Variants in KLHL35 observed in about 807,000 individuals in gnomAD.
KLHL35 encodes the protein kelch-like protein 35.
Under a neutral mutation model 44.0 loss-of-function variants are expected in KLHL35, and 50 were observed. The ratio of observed to expected loss-of-function variants is 1.14; its 90% CI spans 0.91 to 1.44. The LOEUF is 1.44. KLHL35 is among the 40% of genes most tolerant of loss of function. The probability of loss-of-function intolerance (pLI) is 0.00; values close to 1 mark genes in which losing one functional copy is unlikely to be tolerated. For synonymous variants in KLHL35, 470 were observed against 410.4 expected (o/e 1.15, Z -1.76); for missense variants, 1,049 against 887.8 (o/e 1.18, Z -2.31).
Position 75,430,136 on chromosome 11 carries a change from A to C in KLHL35, c.494T>G (p.Phe165Cys), listed in dbSNP as rs1394243269. ...GCGCTCGGCCAGCGGGGCCAGCGAGAAGGCGGCGGCCACGCGGCGCAGCGC... is the reference window on the plus strand; with the variant it reads ...GCGCTCGGCCAGCGGGGCCAGCGAGCAGGCGGCGGCCACGCGGCGCAGCGC... ...SLALRRVAAA[F>C]SLAPLAERCG... The change falls in exon 2 of 7, where the codon TTC becomes TGC. Residue 165 changes from phenylalanine to cysteine, a missense_variant. Coordinates refer to ENST00000539798, the MANE Select transcript of KLHL35 (RefSeq NM_001039548.3). 18 of 1,258,602 alleles carry C rather than the reference A, an allele frequency of 1.4e-5. No individual in the cohort carries two copies. The highest frequency in any genetic ancestry group is 1.4e-4 in the African/African-American group (9 of 63,340). 78.0% of individuals were successfully genotyped at this position (1,258,602 alleles called of 1,614,324 possible). A position where few individuals can be genotyped will look rare whatever the true frequency, so the allele number is the denominator to read the frequency against.
chr11:75,432,819 G>C (rs1332447585), intron 1 of KLHL35, among the ~76,000 whole-genome samples: 1 of 152,082 alleles, frequency 6.6e-6, no homozygotes, highest in African/African-American at 2.4e-5. Flanking sequence ...CTCCCTTCTC[G>C]GCTGAGTCTA....
intron 2 of KLHL35, among the ~76,000 whole-genome samples, chr11:75,429,049 A>C (rs1313382604): frequency 6.6e-6 from 1 of 152,116 alleles, no homozygotes; most frequent in Non-Finnish European, 1.5e-5. Flanking sequence ...TCTGTCGCTA[A>C]CTCATCTTCA....
At chr11:75,429,392 C>T (rs1201795107) in intron 2 of KLHL35, among the ~76,000 whole-genome samples, 1 of 152,210 alleles carries the variant, frequency 6.6e-6, no homozygotes, top group African/African-American at 2.4e-5. Context: ...TCACTACTTC[C>T]CCATGCCCCT....
rs1948494757 is a variant in KLHL35, at chr11:75,426,658, T to A, written c.1067-20A>T. ...GGCCTCCTAGGGAGAGAGAAGCAGC[T>A]GTTGCCCATCGGCTCTCTTGCTATC... is the stretch of plus-strand genomic sequence containing the variant. On this transcript the variant is annotated intron_variant, in intron 3 of 6. Coordinates refer to ENST00000539798, the MANE Select transcript of KLHL35 (RefSeq NM_001039548.3). 3 of 1,526,504 alleles carry A rather than the reference T, an allele frequency of 2.0e-6. No homozygotes were observed. Among genetic ancestry groups the A allele is most frequent in the Non-Finnish European group, 2.7e-6 (3 of 1,124,614 alleles). 94.6% of individuals were successfully genotyped at this position (1,526,504 alleles called of 1,614,324 possible).
Position 75,425,462 on chromosome 11 carries a change from C to G in KLHL35, c.1305G>C (p.Ala435=). 1 of 1,571,330 alleles carries G rather than the reference C, an allele frequency of 6.4e-7. No homozygotes were observed. Among genetic ancestry groups the G allele is most frequent in the Non-Finnish European group, 8.6e-7 (1 of 1,164,564 alleles). ...AGAGCTTGCCCGCGCAGGACGCCAC[C>G]GCCGCCGAGCTCACGGCCTCCGGGA... The part of the protein sequence containing the change: ...APLPEAVSSA[A]VASCAGKLFV... The change falls in exon 5 of 7, where the codon GCG becomes GCC. Residue 435 remains alanine (A), a synonymous_variant. Transcript: ENST00000539798.
At position 75,429,882 on chromosome 11, in the gene KLHL35, C is replaced by A; in HGVS notation, c.748G>T (p.Ala250Ser). 6.6e-7 allele frequency: 1 copy of A among 1,519,982 alleles called. No homozygotes were observed. The allele number at this position is 1,519,982 out of a possible 1,614,324, so 94.2% of individuals were successfully genotyped here. A position where few individuals can be genotyped will look rare whatever the true frequency, so the allele number is the denominator to read the frequency against. ...GCCTCCACCTTCTCCAGGAAGTAAG[C>A]GGGCGCCAGTAGCGGCAGGCGCACG... ...EHVRLPLLAP[A>S]YFLEKVEADE... The change falls in exon 2 of 7, where the codon GCT becomes TCT. Residue 250 changes from alanine (A) to serine (S), a missense_variant. Transcript: ENST00000539798.
rs1948483782 is a variant in KLHL35 at position 75,425,564 on chromosome 11, G to A, written c.1203C>T (p.Gly401=). 1 of 1,483,940 alleles carries A rather than the reference G, an allele frequency of 6.7e-7. No homozygotes were observed. Among genetic ancestry groups the A allele is most frequent in the Non-Finnish European group, 8.9e-7 (1 of 1,124,064 alleles). 91.9% of individuals were successfully genotyped at this position (1,483,940 alleles called of 1,614,324 possible). A position where few individuals can be genotyped will look rare whatever the true frequency, so the allele number is the denominator to read the frequency against. ...VVQGQLFAVG[G]FDGLRRLHSV... is the part of the protein sequence containing the mutation. ...TGTGCAGGCGCCTCAGGCCGTCGAA[G>A]CCACCCACCGCGAACAGCTGCAAGT... The change falls in exon 5 of 7, where the codon GGC becomes GGT. Residue 401 remains glycine (G), a synonymous_variant. Coordinates refer to ENST00000539798, the MANE Select transcript of KLHL35 (RefSeq NM_001039548.3).
intron 4 of KLHL35, 156 bp downstream of exon 4, chr11:75,426,364 T>C: frequency 1.8e-6 from 1 of 556,428 alleles, no homozygotes; most frequent in Non-Finnish European, 3.2e-6. Context: ...CTATTATTAT[T>C]AGCATCAGCC....
At position 75,422,624 on chromosome 11, in the gene KLHL35, T is replaced by G. The variant is rs1948457882; in HGVS notation, c.1708A>C (p.Ser570Arg). 1 of 1,613,854 alleles carries G rather than the reference T, an allele frequency of 6.2e-7. No individual in the cohort carries two copies. The highest frequency in any genetic ancestry group is 2.2e-5 in the East Asian group (1 of 44,886). The change falls in exon 7 of 7, where the codon AGC becomes CGC. Residue 570 changes from serine (S) to arginine (R), a missense_variant. Ser to Arg is a moderately radical substitution (Grantham distance 110, BLOSUM62 -1). Transcript: ENST00000539798. ...ATGATGGTGACACAGCCGTGGGAGC[T>G]GGTGCAGCGCTGCAGGGATGGCTGG... ...EVQPSLQRCT[S>R]SHGCVTIIQS...
chr11:75,424,202 A>C, intron 5 of KLHL35: 2 of 284,558 alleles, frequency 7.0e-6, no homozygotes, highest in Non-Finnish European at 1.3e-5. Flanking sequence ...ACCCCTCAAC[A>C]CACACACACA....
chr11:75,430,510 G>A lies in KLHL35; in HGVS notation c.120C>T (p.Leu40=). 1 of 1,443,434 alleles carries A rather than the reference G, an allele frequency of 6.9e-7. No individual in the cohort carries two copies. The highest frequency in any genetic ancestry group is 9.1e-7 in the Non-Finnish European group (1 of 1,102,418). 89.4% of individuals were successfully genotyped at this position (1,443,434 alleles called of 1,614,324 possible). The change falls in exon 2 of 7, where the codon CTC becomes CTT. Residue 40 remains leucine, a synonymous_variant. Transcript: ENST00000539798. The part of the protein sequence containing the change: ...ALNAYRRSGT[L]TDVVLRAGGR... The stretch of plus-strand genomic sequence containing the variant: ...CGCCGGCGCGCAGCACCACGTCGGT[G>A]AGGGTGCCGCTCCGCCGGTAGGCGT...
At chr11:75,426,326 C>A in intron 4 of KLHL35, 194 bp downstream of exon 4, 1 of 488,278 alleles carries the variant, frequency 2.0e-6, no homozygotes, top group Non-Finnish European at 3.7e-6. Flanking sequence ...TACCCTTGAC[C>A]ATCAGGCTGT....
At position 75,422,753 on chromosome 11, in the gene KLHL35, T is replaced by C. The variant is rs1948460826; in HGVS notation, c.1579A>G (p.Thr527Ala). 1 of 1,613,374 alleles carries C rather than the reference T, an allele frequency of 6.2e-7. No homozygotes were observed. The highest frequency in any genetic ancestry group is 8.5e-7 in the Non-Finnish European group (1 of 1,179,374). ...ATGTGGACCTTCCCGTCACACACAG[T>C]GACTCCACAGCTTTCCTGGGTGGAC... ...LPSPVESCGV[T>A]VCDGKVHILG... The change falls in exon 7 of 7, where the codon ACT becomes GCT. Residue 527 changes from threonine to alanine, a missense_variant. Physicochemically the swap from Thr to Ala is moderately conservative, Grantham distance 58 (BLOSUM62 0). Coordinates refer to ENST00000539798, the MANE Select transcript of KLHL35 (RefSeq NM_001039548.3).
Position 75,430,209 on chromosome 11 carries a change from C to T in KLHL35, c.421G>A (p.Ala141Thr), listed in dbSNP as rs1396498077. The T allele has an allele frequency of 8.1e-7, 1 of 1,235,974 alleles. No individual in the cohort carries two copies. The allele number at this position is 1,235,974 out of a possible 1,614,324, so 76.6% of individuals were successfully genotyped here. The change falls in exon 2 of 7, where the codon GCC becomes ACC. Residue 141 changes from alanine (A) to threonine (T), a missense_variant. Ala to Thr is a moderately conservative substitution (Grantham distance 58). Transcript: ENST00000539798. ...ERLGVAGLRE[A>T]CVRFLEGRLR... ...CGGCCCTCGAGAAAGCGCACGCAGGCCTCGCGCAGGCCCGCCACGCCCAGC... is the reference window on the plus strand; with the variant it reads ...CGGCCCTCGAGAAAGCGCACGCAGGTCTCGCGCAGGCCCGCCACGCCCAGC...
chr11:75,430,124 G>C lies in KLHL35; in HGVS notation c.506C>G (p.Pro169Arg). 3.2e-6 allele frequency: 4 copies of C among 1,267,562 alleles called. No homozygotes were observed. Among genetic ancestry groups the C allele is most frequent in the Non-Finnish European group, 4.0e-6 (4 of 1,010,876 alleles). The allele number at this position is 1,267,562 out of a possible 1,614,324, so 78.5% of individuals were successfully genotyped here. ...GACGCGGCCGCAGCGCTCGGCCAGC[G>C]GGGCCAGCGAGAAGGCGGCGGCCAC... is the stretch of plus-strand genomic sequence containing the variant. ...RRVAAAFSLA[P>R]LAERCGRVLR... The change falls in exon 2 of 7, where the codon CCG (proline) becomes CGG (arginine). Residue 169 changes from proline (P) to arginine (R), a missense_variant. Coordinates refer to ENST00000539798, the MANE Select transcript of KLHL35 (RefSeq NM_001039548.3).
chr11:75,427,075 T>A (rs1948498463), intron 3 of KLHL35, among the ~76,000 whole-genome samples: 2 of 152,076 alleles, frequency 1.3e-5, no homozygotes, highest in Non-Finnish European at 2.9e-5. Context: ...CCAATAACCC[T>A]CCCTCCCTTC....
rs1388419012 is a variant in KLHL35, at chr11:75,426,256, C to G, written c.1185+264G>C. ...AGCCACTGCGCCCGGCCGACAGATTCTTTTATTCTTGAGTGGCACAGTCAA... is the reference window on the plus strand; with the variant it reads ...AGCCACTGCGCCCGGCCGACAGATTGTTTTATTCTTGAGTGGCACAGTCAA... On this transcript the variant is annotated intron_variant, in intron 4 of 6. Transcript: ENST00000539798. 11 of 277,338 alleles carry G rather than the reference C, an allele frequency of 4.0e-5. No homozygotes were observed. The South Asian group carries it at 7.7e-4, about 19-fold the overall frequency. The allele number at this position is 277,338 out of a possible 1,614,324, so 17.2% of individuals were successfully genotyped here. A position where few individuals can be genotyped will look rare whatever the true frequency, so the allele number is the denominator to read the frequency against.
At chr11:75,431,007 A>G (rs1948533452) in intron 1 of KLHL35, among the ~76,000 whole-genome samples, 1 of 152,182 alleles carries the variant, frequency 6.6e-6, no homozygotes, top group Non-Finnish European at 1.5e-5. Flanking sequence ...GTCCCAGGAT[A>G]CTAACAGCAG....
chr11:75,428,032 TTCC>T (rs1399579876), intron 3 of KLHL35, among the ~76,000 whole-genome samples: 2 of 152,244 alleles, frequency 1.3e-5, no homozygotes, highest in African/African-American at 4.8e-5. Context: ...CAGATGTGTG[TTCC>T]TCCTAGCTTT....
Sources: gnomAD v4.1 joint callset for allele counts (sites outside exome capture counted in the v4.1 genomes callset) on GRCh38, gnomAD v4.1.1 for gene constraint, MANE v1.5 for transcripts, NCBI Gene and HGNC (gene_info 2026-07-23, HGNC 2026-07-21) for gene names.